The following FAT1 variants were observed in gnomAD, a reference collection of about 807,000 sequenced individuals.
The protein encoded by FAT1 is FAT atypical cadherin 1, also known as protocadherin Fat 1.
A neutral mutation model predicts 329.8 loss-of-function variants in FAT1; 171 were observed. The observed-to-expected ratio is 0.52, with a 90% confidence interval of 0.46 to 0.59. FAT1 has a LOEUF of 0.59. Among genes scored for constraint, FAT1 ranks in the 20% least tolerant of loss-of-function variants. The pLI, the probability that FAT1 is intolerant of heterozygous loss-of-function variation, is 0.00. For synonymous variants in FAT1, 2,233 were observed against 2,228.6 expected, an observed-to-expected ratio of 1.00 and a Z score of -0.06; for missense variants, 5,672 against 5,774.4, an observed-to-expected ratio of 0.98 and a Z score of 0.57.
chr4:186,672,970 G>A (rs1238887834), intron 2 of FAT1, among the ~76,000 whole-genome samples: 1 of 152,146 alleles, frequency 6.6e-6, no homozygotes, highest in East Asian at 1.9e-4. Flanking sequence ...GAGGGAAAAG[G>A]AATGGACTTA....
At position 186,723,822 on chromosome 4, in the gene FAT1, C is replaced by G. The variant is rs1020524701; in HGVS notation, c.-177G>C. 6.6e-6 allele frequency: 1 copy of G among 150,522 alleles called. No individual in the cohort carries two copies. The highest frequency in any genetic ancestry group is 2.0e-4 in the East Asian group (1 of 5,030). The allele number at this position is 150,522 out of a possible 1,614,324, so 9.3% of individuals were successfully genotyped here. A position where few individuals can be genotyped will look rare whatever the true frequency, so the allele number is the denominator to read the frequency against. ...CCGCTCCCGCGCCCTCTCCCCGCGC[C>G]CGGCCGCCCAGCTCGGCGCCGGCGC... On this transcript the variant is annotated 5_prime_UTR_variant, in exon 1 of 27. Coordinates refer to ENST00000441802, the MANE Select transcript of FAT1 (RefSeq NM_005245.4).
chr4:186,609,175 T>C lies in FAT1; in HGVS notation c.10206+8A>G. ...TGTAAACAACGTAAATCAACCTTTT[T>C]CACTTACCGTTTCTCGGTCGAGAAG... On this transcript the variant is annotated splice_region_variant and intron_variant, in intron 16 of 26. Coordinates refer to ENST00000441802, the MANE Select transcript of FAT1 (RefSeq NM_005245.4). 6.2e-7 allele frequency: 1 copy of C among 1,610,900 alleles called. No homozygotes were observed. The highest frequency in any genetic ancestry group is 8.5e-7 in the Non-Finnish European group (1 of 1,178,824).
intron 1 of FAT1, among the ~76,000 whole-genome samples, chr4:186,711,461 A>G (rs959828965): frequency 2.0e-5 from 3 of 152,226 alleles, no homozygotes; most frequent in African/African-American, 7.2e-5. Context: ...TCTAATACTC[A>G]GGGAAATTTG....
chr4:186,698,373 T>C (rs914105853), intron 2 of FAT1, among the ~76,000 whole-genome samples: 3 of 152,204 alleles, frequency 2.0e-5, no homozygotes, highest in Non-Finnish European at 2.9e-5. Context: ...CTAACCATTA[T>C]GCATTGAGTG....
intron 2 of FAT1, among the ~76,000 whole-genome samples, chr4:186,688,644 A>ACCCCCCC (rs55969318): frequency 5.7e-5 from 7 of 123,456 alleles, no homozygotes; most frequent in Non-Finnish European, 6.6e-5. Flanking sequence ...CAGCAAGAGT[A>ACCCCCCC]CCCCCCCCGC....
At position 186,603,772 on chromosome 4, in the gene FAT1, T is replaced by C. The variant is rs2126433079; in HGVS notation, c.10754A>G (p.Gln3585Arg). 3 of 1,613,980 alleles carry C rather than the reference T, an allele frequency of 1.9e-6. No homozygotes were observed. The highest frequency in any genetic ancestry group is 4.5e-5 in the East Asian group (2 of 44,870). ...GGAAACAGAGAACAGGTTGTCCATC[T>C]GAGGGTCGAGACTGTAGGTTAGAGT... ...YDTLTYSLDP[Q>R]MDNLFSVSST... is the part of the protein sequence containing the mutation. The change falls in exon 19 of 27, where the codon CAG becomes CGG. Residue 3585 changes from glutamine (Q) to arginine (R), a missense_variant. Gln to Arg is a conservative substitution (Grantham distance 43). This residue lies in a region of FAT1 where 1,706 missense variants were observed against 1,859.1 expected (regional missense o/e 0.92). Coordinates refer to ENST00000441802, the MANE Select transcript of FAT1 (RefSeq NM_005245.4).
At chr4:186,681,576 T>A (rs562586342) in intron 2 of FAT1, among the ~76,000 whole-genome samples, 4 of 152,332 alleles carry the variant, frequency 2.6e-5, no homozygotes, top group African/African-American at 9.6e-5. Flanking sequence ...GCATTAGCAG[T>A]GCTCTAAAGT....
intron 4 of FAT1, among the ~76,000 whole-genome samples, chr4:186,638,609 C>T (rs1740945906): frequency 7.4e-6 from 1 of 135,332 alleles, no homozygotes; most frequent in Admixed American, 7.6e-5. Flanking sequence ...ATTCCCAGTT[C>T]CCAATGCACA....
chr4:186,628,275 G>T lies in FAT1; in HGVS notation c.4689C>A (p.Thr1563=), dbSNP rs188759859. Residue 1563 remains threonine (T), a synonymous_variant, in exon 9 of 27, where the codon ACC becomes ACA. Transcript: ENST00000441802. The part of the protein sequence containing the change: ...SDTNDHAPWF[T]ASSYKGRVYE... Reference sequence around the variant, plus strand: ...AAACCCGCCCTTTGTAGGAGGAAGCGGTGAACCACGGGGCGTGGTCATTCG... The same window carrying T: ...AAACCCGCCCTTTGTAGGAGGAAGCTGTGAACCACGGGGCGTGGTCATTCG... 1 of 1,613,740 alleles carries T rather than the reference G, an allele frequency of 6.2e-7. No individual in the cohort carries two copies. Among genetic ancestry groups the T allele is most frequent in the Non-Finnish European group, 8.5e-7 (1 of 1,179,780 alleles).
At chr4:186,623,495 C>T (rs1440723035) in intron 9 of FAT1, among the ~76,000 whole-genome samples, 1 of 152,166 alleles carries the variant, frequency 6.6e-6, no homozygotes, top group African/African-American at 2.4e-5. Context: ...AGCTGACCTA[C>T]CATATTTTAT....
chr4:186,619,908 C>T lies in FAT1; in HGVS notation c.6678G>A (p.Gln2226=). The T allele has an allele frequency of 1.2e-6, 2 of 1,614,030 alleles. No individual in the cohort carries two copies. The highest frequency in any genetic ancestry group is 1.7e-6 in the Non-Finnish European group (2 of 1,179,892). Residue 2226 remains glutamine, a synonymous_variant, in exon 10 of 27, where the codon CAG becomes CAA. Transcript: ENST00000441802. ...CTCCAGTATTGAAGTTAATAGTGAA[C>T]TGGCTGAAAGGGTCTCCGTCTGTGA... The part of the protein sequence containing the change: ...YSITDGDPFS[Q]FTINFNTGVI...
At chr4:186,717,973 A>T (rs1182695689) in intron 1 of FAT1, among the ~76,000 whole-genome samples, 1 of 152,206 alleles carries the variant, frequency 6.6e-6, no homozygotes, top group African/African-American at 2.4e-5. Flanking sequence ...CTCCACAAAC[A>T]GAAGTAATTT....
chr4:186,597,904 A>C, intron 23 of FAT1, 68 bp downstream of exon 23: 4 of 1,571,284 alleles, frequency 2.5e-6, no homozygotes, highest in Non-Finnish European at 2.6e-6. Flanking sequence ...GACTTTTTAC[A>C]TGTACCATTA....
Position 186,621,256 on chromosome 4 carries a change from G to A in FAT1, c.5330C>T (p.Ser1777Leu), listed in dbSNP as rs1307259915. 1 of 1,614,048 alleles carries A rather than the reference G, an allele frequency of 6.2e-7. No individual in the cohort carries two copies. Among genetic ancestry groups the A allele is most frequent in the South Asian group, 1.1e-5 (1 of 91,078 alleles). The change falls in exon 10 of 27, where the codon TCA becomes TTA. Residue 1777 changes from serine to leucine, a missense_variant. By Grantham distance (145) the Ser-to-Leu change is moderately radical. Coordinates refer to ENST00000441802, the MANE Select transcript of FAT1 (RefSeq NM_005245.4). ...TAGGACCACGCTGTTAATTGAGGCT[G>A]ATTCACTAATGAGTCCTGTATATTC... ...QAEYTGLISE[S>L]ASINSVVLTD...
Position 186,633,695 on chromosome 4 carries a change from T to G in FAT1, c.4312A>C (p.Ile1438Leu). The G allele has an allele frequency of 6.2e-7, 1 of 1,613,918 alleles. No individual in the cohort carries two copies. Among genetic ancestry groups the G allele is most frequent in the Non-Finnish European group, 8.5e-7 (1 of 1,179,856 alleles). ...TVEATDGTTT[I>L]LTQVFIKVID... ...AGTAATTCACTTACCTGAGTGAGGATAGTGGTGGTTCCATCTGTAGCCTCG... is the reference window on the plus strand; with the variant it reads ...AGTAATTCACTTACCTGAGTGAGGAGAGTGGTGGTTCCATCTGTAGCCTCG... Residue 1438 changes from isoleucine to leucine, a missense_variant, in exon 7 of 27, where the codon ATC (isoleucine) becomes CTC (leucine). Transcript: ENST00000441802.
chr4:186,606,069 C>A lies in FAT1; in HGVS notation c.10350+1G>T. Reference sequence around the variant, plus strand: ...GGACCACCTTGGCACTCGAAGCCCACCTGGATAATGACACTGTAGTTTCCC... The same window carrying A: ...GGACCACCTTGGCACTCGAAGCCCAACTGGATAATGACACTGTAGTTTCCC... On this transcript the variant is annotated splice_donor_variant, in intron 17 of 26. Transcript: ENST00000441802. LOFTEE classifies it high-confidence loss of function. The A allele has an allele frequency of 6.2e-7, 1 of 1,612,646 alleles. No individual in the cohort carries two copies. The highest frequency in any genetic ancestry group is 8.5e-7 in the Non-Finnish European group (1 of 1,179,668).
chr4:186,650,348 C>T (rs1243281539), intron 3 of FAT1, among the ~76,000 whole-genome samples: 2 of 152,094 alleles, frequency 1.3e-5, no homozygotes, highest in East Asian at 3.9e-4. Flanking sequence ...AAAAAACTCC[C>T]TAAATATTGA....
chr4:186,688,408 T>C (rs1000003270), intron 2 of FAT1, among the ~76,000 whole-genome samples: 1 of 152,118 alleles, frequency 6.6e-6, no homozygotes, highest in Non-Finnish European at 1.5e-5. Context: ...TTCCTGTTCA[T>C]AAGGTAATCG....
intron 1 of FAT1, among the ~76,000 whole-genome samples, chr4:186,716,012 G>A (rs1745189035): frequency 6.6e-6 from 1 of 152,082 alleles, no homozygotes; most frequent in Admixed American, 6.6e-5. Context: ...CCCCTGTGCT[G>A]AAAACCTAAC....
Sources: gnomAD v4.1 joint callset for allele counts (sites outside exome capture counted in the v4.1 genomes callset) on GRCh38, gnomAD v4.1.1 for gene constraint, gnomAD v4.1.1 regional missense constraint, MANE v1.5 for transcripts, NCBI Gene and HGNC (gene_info 2026-07-23, HGNC 2026-07-21) for gene names.